FSCN2: variants seen among roughly 807,000 people sequenced by gnomAD.
The protein encoded by FSCN2 is fascin actin-bundling protein 2, retinal.
A neutral mutation model predicts 37.8 loss-of-function variants in FSCN2; 46 were observed. The observed-to-expected ratio is 1.22, with a 90% CI of 0.96 to 1.56. The LOEUF (loss-of-function observed/expected upper bound fraction) is 1.56, where lower values mean the gene tolerates loss of function less well. Among genes scored for constraint, FSCN2 ranks in the 40% most tolerant of loss-of-function variants. FSCN2 has a pLI of 0.00. For synonymous variants in FSCN2, 351 were observed against 309.4 expected (o/e 1.13, Z -1.41); for missense variants, 844 against 730.4 (o/e 1.16, Z -1.79).
intron 1 of FSCN2, chr17:81,530,510 TGGCTCGGAGGTGGTCTGAAAAG>T: frequency 4.5e-6 from 2 of 441,468 alleles, no homozygotes; most frequent in Non-Finnish European, 8.8e-6. Flanking sequence ...CACCCCAGAG[TGGCTCGGAGGTGGTCTGAAAAG>T]GCGAGGTGGG....
At chr17:81,534,925 C>A in intron 1 of FSCN2, 127 bp from the exon 2 acceptor site, 1 of 634,098 alleles carries the variant, frequency 1.6e-6, no homozygotes, top group Non-Finnish European at 2.6e-6. Context: ...CCTTCCAAAT[C>A]TTCTCAAGTC....
At position 81,531,642 on chromosome 17, in the gene FSCN2, GTGGTGATGATAGTGA is replaced by G. The variant is rs1568077825; in HGVS notation, c.826+2296_826+2310del. On this transcript the variant is annotated intron_variant, in intron 1 of 4. Transcript: ENST00000417245. ...GGTGATGGTGGTGGTGATGGTGGTG[GTGGTGATGATAGTGA>G]TGGTGATGATGATGGTGATGATGAT... 6.9e-5 allele frequency among the ~76,000 whole-genome samples: 8 copies of G among 115,788 alleles called. No individual in the cohort carries two copies. In the South Asian group the frequency reaches 9.4e-4, roughly 14 times the overall value. 76.0% of individuals were successfully genotyped at this position (115,788 alleles called of 152,430 possible).
At position 81,535,217 on chromosome 17, in the gene FSCN2, A is replaced by T; in HGVS notation, c.983+9A>T. 6.6e-7 allele frequency: 1 copy of T among 1,519,654 alleles called. No homozygotes were observed. Among genetic ancestry groups the T allele is most frequent in the Non-Finnish European group, 8.8e-7 (1 of 1,136,248 alleles). The allele number at this position is 1,519,654 out of a possible 1,614,324, so 94.1% of individuals were successfully genotyped here. On this transcript the variant is annotated intron_variant, in intron 2 of 4. Transcript: ENST00000417245. ...GCCACAGCCACACAAGTGTGAGTGC[A>T]CACATCCCTTCCTCCTCCATCATCC...
chr17:81,517,755 C>T, the FSCN2 span, among the ~76,000 whole-genome samples: 3 of 126,786 alleles, frequency 2.4e-5, no homozygotes, highest in Admixed American at 8.1e-5. Context: ...CCAGGAGCTC[C>T]GGCCGCCCCC....
chr17:81,518,001 TC>T, the FSCN2 span, among the ~76,000 whole-genome samples: 3 of 151,878 alleles, frequency 2.0e-5, no homozygotes, highest in African/African-American at 7.2e-5. Flanking sequence ...CTGCAACCCT[TC>T]CCACCCCAGG....
At chr17:81,518,360 G>A in the FSCN2 span, among the ~76,000 whole-genome samples, 1 of 98,844 alleles carries the variant, frequency 1.0e-5, no homozygotes, top group African/African-American at 4.5e-5. Flanking sequence ...CCTGTACCTG[G>A]CATAGCCCCT....
At chr17:81,518,762 G>T in the FSCN2 span, among the ~76,000 whole-genome samples, 2 of 152,214 alleles carry the variant, frequency 1.3e-5, no homozygotes, top group Non-Finnish European at 2.9e-5. Context: ...AAGCAGCTCT[G>T]CAGAGCGACT....
chr17:81,524,552 G>T (rs1421361531), upstream of FSCN2, among the ~76,000 whole-genome samples: 6 of 152,234 alleles, frequency 3.9e-5, no homozygotes, highest in African/African-American at 1.4e-4. Context: ...CAGGGTGGCA[G>T]GCACGTGTGT....
Position 81,529,114 on chromosome 17 carries a change from C to A in FSCN2, c.583C>A (p.Arg195Ser), listed in dbSNP as rs782678352. The change falls in exon 1 of 5, where the codon CGC becomes AGC. Residue 195 changes from arginine to serine, a missense_variant. Transcript: ENST00000417245. ...CAAGTCCTGTGACAGCCGCTACCTG[C>A]GCAGCGACGGCCGTCTGGTCTGGGA... The part of the protein sequence containing the change: ...CLKSCDSRYL[R>S]SDGRLVWEPE... 34 of 1,584,516 alleles carry A rather than the reference C, an allele frequency of 2.1e-5. No homozygotes were observed. Among genetic ancestry groups the A allele is most frequent in the Non-Finnish European group, 2.9e-5 (34 of 1,167,208 alleles).
chr17:81,519,086 G>T, the FSCN2 span: 1 of 152,300 alleles, frequency 6.6e-6, no homozygotes, highest in African/African-American at 2.4e-5. Flanking sequence ...ACTTGAGCTG[G>T]TCTGCATTCG....
chr17:81,528,372 G>T (rs954116242), upstream of FSCN2: 1 of 603,184 alleles, frequency 1.7e-6, no homozygotes, highest in African/African-American at 1.9e-5. Flanking sequence ...CTGCTGCCGC[G>T]GGTCAGAGGC....
chr17:81,534,628 T>C (rs1490592796), intron 1 of FSCN2, among the ~76,000 whole-genome samples: 6 of 151,672 alleles, frequency 4.0e-5, no homozygotes, highest in African/African-American at 1.5e-4. Flanking sequence ...AGCCCAGGGG[T>C]GCCCCATCAC....
At chr17:81,516,802 T>C in the FSCN2 span, among the ~76,000 whole-genome samples, 1 of 151,892 alleles carries the variant, frequency 6.6e-6, no homozygotes, top group African/African-American at 2.4e-5. Context: ...TGGCTGTGAG[T>C]GGCCAGGTGC....
In FSCN2 at chr17:81,528,827, G is replaced by A. The variant is rs782165857; in HGVS notation, c.296G>A (p.Arg99His). Residue 99 changes from arginine to histidine, a missense_variant, in exon 1 of 5, where the codon CGC becomes CAC. Transcript: ENST00000417245. The stretch of plus-strand genomic sequence containing the variant: ...CTGGTCCTGCCGCAGCCAGATGGGC[G>A]CTGGGTGCTGCGGTCCGAGCCGCAC... ...RFLVLPQPDG[R>H]WVLRSEPHGR... The A allele has an allele frequency of 7.7e-6, 12 of 1,556,880 alleles. No individual in the cohort carries two copies. Among genetic ancestry groups the A allele is most frequent in the African/African-American group, 5.4e-5 (4 of 73,514 alleles).
chr17:81,527,389 C>T (rs995891876), upstream of FSCN2: 1 of 152,218 alleles, frequency 6.6e-6, no homozygotes, highest in African/African-American at 2.4e-5. Context: ...TCTGGTTTCA[C>T]TACTTGGCCC....
chr17:81,516,782 A>T, the FSCN2 span, among the ~76,000 whole-genome samples: 1 of 152,088 alleles, frequency 6.6e-6, no homozygotes, highest in Admixed American at 6.5e-5. Context: ...CTGCGGAGTC[A>T]CTGGGCAGCT....
chr17:81,529,475 C>A, intron 1 of FSCN2, 118 bp downstream of exon 1: 1 of 910,004 alleles, frequency 1.1e-6, no homozygotes, highest in Non-Finnish European at 1.8e-6. Flanking sequence ...CATGTCTGTT[C>A]TGGGCTGGGG....
chr17:81,533,760 C>A (rs1001739357), intron 1 of FSCN2, among the ~76,000 whole-genome samples: 2 of 152,200 alleles, frequency 1.3e-5, no homozygotes, highest in African/African-American at 4.8e-5. Context: ...GAGGCCATGT[C>A]CCCGGAAGCA....
Position 81,528,724 on chromosome 17 carries a change from C to A in FSCN2, c.193C>A (p.Leu65Met). ...GGCTGTGCTGCTCCGCAGCAGCCAC[C>A]TGGGCCGCTACCTGTCGGCAGAAGA... is the stretch of plus-strand genomic sequence containing the variant. ...GTAVLLRSSH[L>M]GRYLSAEEDG... Residue 65 changes from leucine (L) to methionine (M), a missense_variant, in exon 1 of 5, where the codon CTG becomes ATG. Leu to Met is a conservative substitution (Grantham distance 15). Coordinates refer to ENST00000417245, the MANE Select transcript of FSCN2 (RefSeq NM_012418.4). 1 of 1,596,714 alleles carries A rather than the reference C, an allele frequency of 6.3e-7. No homozygotes were observed. Among genetic ancestry groups the A allele is most frequent in the Non-Finnish European group, 8.5e-7 (1 of 1,172,738 alleles).
Sources: allele counts gnomAD v4.1 joint callset (sites outside exome capture counted in the v4.1 genomes callset), GRCh38; gene constraint gnomAD v4.1.1; transcripts MANE v1.5; gene names NCBI Gene and HGNC (gene_info 2026-07-23, HGNC 2026-07-21).